Variants in TSPEAR observed in about 807,000 individuals in gnomAD.
The protein encoded by TSPEAR is thrombospondin type laminin G domain and EAR repeats, also known as thrombospondin-type laminin G domain and EAR repeat-containing protein.
Under a neutral mutation model 71.6 loss-of-function variants are expected in TSPEAR, and 69 were observed. The ratio of observed to expected loss-of-function variants is 0.96; its 90% CI spans 0.79 to 1.18. The LOEUF (loss-of-function observed/expected upper bound fraction) is 1.18, where lower values mean the gene tolerates loss of function less well. TSPEAR is among the 50% of genes most tolerant of loss of function. The pLI is 0.00. For synonymous variants in TSPEAR, 402 were observed against 387.2 expected, an observed-to-expected ratio of 1.04 and a Z score of -0.45; for missense variants, 971 against 894.9, an observed-to-expected ratio of 1.09 and a Z score of -1.09.
intron 1 of TSPEAR, 74 bp from the exon 2 acceptor site, chr21:44,568,079 A>G: frequency 8.3e-7 from 1 of 1,207,956 alleles, no homozygotes; most frequent in Non-Finnish European, 1.1e-6. Context: ...GCCAACATGT[A>G]TGGGGCATCA....
Position 44,658,360 on chromosome 21 carries a change from T to G in TSPEAR, c.82+53073A>C, listed in dbSNP as rs1301941166. The G allele has an allele frequency of 1.3e-5, 16 of 1,259,706 alleles. No individual in the cohort carries two copies. In the African/African-American group the frequency reaches 2.4e-4, roughly 19 times the overall value. 78.0% of individuals were successfully genotyped at this position (1,259,706 alleles called of 1,614,324 possible). A position where few individuals can be genotyped will look rare whatever the true frequency, so the allele number is the denominator to read the frequency against. ...CCCCAGATTGCACACATAGGGCAGA[T>G]GAAAAGCATGCCCAAGGAAACCTCT... is the stretch of plus-strand genomic sequence containing the variant. On this transcript the variant is annotated intron_variant, in intron 1 of 11. Transcript: ENST00000323084.
At chr21:44,660,790 A>G (rs1985442405) in intron 1 of TSPEAR, among the ~76,000 whole-genome samples, 1 of 151,902 alleles carries the variant, frequency 6.6e-6, no homozygotes, top group South Asian at 2.1e-4. Context: ...AACATGGTGA[A>G]ACCCCATCCC....
In TSPEAR at chr21:44,691,313, A is replaced by G. The variant is rs77331791; in HGVS notation, c.82+20120T>C. ...GCACTCACCCCTATGTCTCTAACGT[A>G]TAACTGTTAACAACATATGTTGTAT... On this transcript the variant is annotated intron_variant, in intron 1 of 11. Transcript: ENST00000323084. Among the ~76,000 whole-genome samples the G allele has an allele frequency of 6.7e-3, 1,021 of 152,340 alleles. 11 individuals are homozygous for G. Among genetic ancestry groups the G allele is most frequent in the African/African-American group, 0.023 (976 of 41,570 alleles).
chr21:44,550,735 G>A (rs2146029699), intron 2 of TSPEAR: 1 of 1,614,046 alleles, frequency 6.2e-7, no homozygotes, highest in South Asian at 1.1e-5. Context: ...CAGGAGGCTG[G>A]GCGGGAGCAC....
Position 44,668,341 on chromosome 21 carries a change from A to T in TSPEAR, c.82+43092T>A, listed in dbSNP as rs375979426. Among the ~76,000 whole-genome samples, 44 of 152,366 alleles carry T rather than the reference A, an allele frequency of 2.9e-4. 1 individual carries two copies. The South Asian group carries it at 7.7e-3, about 27-fold the overall frequency. On this transcript the variant is annotated intron_variant, in intron 1 of 11. Coordinates refer to ENST00000323084, the MANE Select transcript of TSPEAR (RefSeq NM_144991.3). ...AACAAAATACTCAGGAGTTAACCAAAGAATTAAAATAATTGTGTAACAAAA... is the reference window on the plus strand; with the variant it reads ...AACAAAATACTCAGGAGTTAACCAATGAATTAAAATAATTGTGTAACAAAA...
chr21:44,646,890 G>A (rs782722108), intron 1 of TSPEAR: 81 of 1,610,778 alleles, frequency 5.0e-5, no homozygotes, highest in African/African-American at 6.8e-5. Context: ...CCTGCCAGCC[G>A]GCCTGCTGTG....
intron 1 of TSPEAR, among the ~76,000 whole-genome samples, chr21:44,621,675 A>C (rs1179157746): frequency 6.6e-6 from 1 of 152,256 alleles, no homozygotes; most frequent in Non-Finnish European, 1.5e-5. Flanking sequence ...ACAAGCTGAT[A>C]AATTTAAGAC....
chr21:44,523,496 CAGGT>C (rs1326621125), intron 8 of TSPEAR, among the ~76,000 whole-genome samples: 1 of 150,806 alleles, frequency 6.6e-6, no homozygotes, highest in African/African-American at 2.4e-5. Flanking sequence ...GGTAGTCGGT[CAGGT>C]AGGCAGTCAG....
chr21:44,653,615 C>A (rs1452901577), intron 1 of TSPEAR, among the ~76,000 whole-genome samples: 1 of 152,338 alleles, frequency 6.6e-6, no homozygotes, highest in East Asian at 1.9e-4. Context: ...GTTTTAATTT[C>A]TTGACAAGAG....
At chr21:44,686,041 G>A (rs1394734435) in intron 1 of TSPEAR, among the ~76,000 whole-genome samples, 5 of 152,134 alleles carry the variant, frequency 3.3e-5, no homozygotes, top group Non-Finnish European at 7.4e-5. Flanking sequence ...CCCTGATGAT[G>A]ACTGAGCTTC....
intron 1 of TSPEAR, among the ~76,000 whole-genome samples, chr21:44,657,238 T>C (rs1212508111): frequency 6.6e-6 from 1 of 152,224 alleles, no homozygotes; most frequent in Non-Finnish European, 1.5e-5. Flanking sequence ...ATTTATTCAT[T>C]GCCCACTGCT....
chr21:44,575,327 C>T, intron 1 of TSPEAR: 2 of 382,096 alleles, frequency 5.2e-6, no homozygotes, highest in South Asian at 7.6e-5. Flanking sequence ...TCTTTGGACG[C>T]CCTCAAGCTG....
At chr21:44,666,729 G>A in intron 1 of TSPEAR, 1 of 1,613,984 alleles carries the variant, frequency 6.2e-7, no homozygotes. Flanking sequence ...CAGGCACACG[G>A]CTGGCTTGAA....
At chr21:44,678,201 G>T (rs990220649) in intron 1 of TSPEAR, 38 of 398,720 alleles carry the variant, frequency 9.5e-5, no homozygotes, top group Non-Finnish European at 1.7e-4. Context: ...TATTGATATG[G>T]TTTGGATCTG....
rs1987315100 is a variant in TSPEAR, at chr21:44,695,984, G to T, written c.82+15449C>A. 6.6e-6 allele frequency among the ~76,000 whole-genome samples: 1 copy of T among 152,282 alleles called. No homozygotes were observed. The highest frequency in any genetic ancestry group is 2.1e-4 in the South Asian group (1 of 4,824). ...GCTAGATGAGCCCTGGGGCTCTAGAGTCCTCAACCACAAAGGCTGCCGAAT... is the reference window on the plus strand; with the variant it reads ...GCTAGATGAGCCCTGGGGCTCTAGATTCCTCAACCACAAAGGCTGCCGAAT... On this transcript the variant is annotated intron_variant, in intron 1 of 11. Transcript: ENST00000323084. This position sits in a 1 kb window ranked among gnomAD's most constrained non-coding sequence, Gnocchi z 4.5.
At chr21:44,650,077 TA>T (rs1187076117) in intron 1 of TSPEAR, among the ~76,000 whole-genome samples, 7 of 152,062 alleles carry the variant, frequency 4.6e-5, no homozygotes, top group Non-Finnish European at 8.8e-5. Flanking sequence ...CAATACAATT[TA>T]GCTGAACATG....
Position 44,575,818 on chromosome 21 carries a change from T to C in TSPEAR, c.83-7813A>G, listed in dbSNP as rs184720114. On this transcript the variant is annotated intron_variant, in intron 1 of 11. Coordinates refer to ENST00000323084, the MANE Select transcript of TSPEAR (RefSeq NM_144991.3). ...GAGGAACACAGACAGGCGATTGGAA[T>C]TGGGTCTCTGTCGCTTCGCTTCCAC... Among the ~76,000 whole-genome samples, 105 of 152,312 alleles carry C rather than the reference T, an allele frequency of 6.9e-4. 2 individuals are homozygous for C. Among genetic ancestry groups the C allele is most frequent in the Admixed American group, 5.9e-3 (90 of 15,306 alleles).
chr21:44,612,282 G>T lies in TSPEAR; in HGVS notation c.83-44277C>A. ...CCCCGCTCCTGTGCCTCCAGCTGCT[G>T]TACCCCTAGCTGCTGTGCCCCAGCC... is the stretch of plus-strand genomic sequence containing the variant. On this transcript the variant is annotated intron_variant, in intron 1 of 11. Coordinates refer to ENST00000323084, the MANE Select transcript of TSPEAR (RefSeq NM_144991.3). This position sits in a 1 kb window ranked among gnomAD's most constrained non-coding sequence, Gnocchi z 4.1. The T allele has an allele frequency of 6.2e-7, 1 of 1,613,550 alleles. No homozygotes were observed. Among genetic ancestry groups the T allele is most frequent in the Non-Finnish European group, 8.5e-7 (1 of 1,179,992 alleles).
rs1982606295 is a variant in TSPEAR, at chr21:44,623,872, A to G, written c.83-55867T>C. Among the ~76,000 whole-genome samples, 1 of 152,162 alleles carries G rather than the reference A, an allele frequency of 6.6e-6. No homozygotes were observed. Among genetic ancestry groups the G allele is most frequent in the Admixed American group, 6.5e-5 (1 of 15,280 alleles). ...TCTCTGTCTTTGGATTTCAGCCCCA[A>G]TATGCACAGGCATGGTTTCCTTTGT... is the stretch of plus-strand genomic sequence containing the variant. On this transcript the variant is annotated intron_variant, in intron 1 of 11. Transcript: ENST00000323084. This position sits in a 1 kb window ranked among gnomAD's most constrained non-coding sequence, Gnocchi z 4.5.
Sources: allele counts gnomAD v4.1 joint callset (sites outside exome capture counted in the v4.1 genomes callset), GRCh38; gene constraint gnomAD v4.1.1; non-coding constraint Gnocchi (gnomAD v3.1); transcripts MANE v1.5; gene names NCBI Gene and HGNC (gene_info 2026-07-23, HGNC 2026-07-21).